The following COQ10A variants were observed in gnomAD, a reference collection of about 807,000 sequenced individuals.
COQ10A encodes the protein coenzyme Q-binding protein COQ10 homolog A, mitochondrial.
A neutral mutation model predicts 26.1 loss-of-function variants in COQ10A; 25 were observed. The ratio of observed to expected loss-of-function variants is 0.96; its 90% CI spans 0.70 to 1.34. The LOEUF is 1.34. Among genes scored for constraint, COQ10A ranks in the 40% most tolerant of loss-of-function variants. COQ10A has a pLI of 0.00. For synonymous variants in COQ10A, 132 were observed against 124.0 expected (o/e 1.06, Z -0.43); for missense variants, 312 against 335.4 (o/e 0.93, Z 0.54).
At chr12:56,269,740 G>T in intron 4 of COQ10A, 179 bp downstream of exon 4, 1 of 570,336 alleles carries the variant, frequency 1.8e-6, no homozygotes. Context: ...CGATTTTCCT[G>T]CCTCAGCCTC....
intron 1 of COQ10A, 145 bp from the exon 2 acceptor site, chr12:56,267,649 A>G: frequency 7.9e-7 from 1 of 1,272,328 alleles, no homozygotes; most frequent in South Asian, 1.2e-5. Flanking sequence ...CTGGCCAGAG[A>G]GAGCCTAGCG....
chr12:56,269,805 T>G, intron 4 of COQ10A: 1 of 526,340 alleles, frequency 1.9e-6, no homozygotes, highest in African/African-American at 1.9e-5. Flanking sequence ...TTTTTTATTT[T>G]TAGTAGAGAC....
chr12:56,269,337 A>G (rs1872439583), intron 3 of COQ10A, 86 bp downstream of exon 3: 2 of 1,488,526 alleles, frequency 1.3e-6, no homozygotes, highest in East Asian at 4.5e-5. Context: ...CCTTGTAAGT[A>G]CTTTATGTCC....
At chr12:56,268,062 C>A in intron 2 of COQ10A, 122 bp downstream of exon 2, 1 of 1,230,740 alleles carries the variant, frequency 8.1e-7, no homozygotes, top group Non-Finnish European at 1.1e-6. Flanking sequence ...CCCTCCCCAG[C>A]TACAATACTG....
At position 56,267,383 on chromosome 12, in the gene COQ10A, A is replaced by G. The variant is rs199940646; in HGVS notation, c.134+131A>G. On this transcript the variant is annotated intron_variant, in intron 1 of 4. Coordinates refer to ENST00000308197, the MANE Select transcript of COQ10A (RefSeq NM_144576.4). Reference sequence around the variant, plus strand: ...GCAATCATGCCCTGGGAGCTAACGTAGAGCTTTGGATAATGCTTTTGCAAG... The same window carrying G: ...GCAATCATGCCCTGGGAGCTAACGTGGAGCTTTGGATAATGCTTTTGCAAG... The G allele has an allele frequency of 4.9e-4, 798 of 1,613,872 alleles. 9 individuals are homozygous for G. The African/African-American group carries it at 9.5e-3, about 19-fold the overall frequency.
chr12:56,268,723 C>T (rs1872422028), intron 2 of COQ10A: 1 of 219,864 alleles, frequency 4.5e-6, no homozygotes, highest in Non-Finnish European at 9.1e-6. Context: ...AGGTAATTTA[C>T]CTAAGGCCAC....
In COQ10A at chr12:56,267,173, C is replaced by G; in HGVS notation, c.55C>G (p.Arg19Gly). 7 of 1,352,924 alleles carry G rather than the reference C, an allele frequency of 5.2e-6. No individual in the cohort carries two copies. Among genetic ancestry groups the G allele is most frequent in the Non-Finnish European group, 6.6e-6 (7 of 1,058,604 alleles). The allele number at this position is 1,352,924 out of a possible 1,614,324, so 83.8% of individuals were successfully genotyped here. Residue 19 changes from arginine to glycine, a missense_variant, in exon 1 of 5, where the codon CGC (arginine) becomes GGC (glycine). Coordinates refer to ENST00000308197, the MANE Select transcript of COQ10A (RefSeq NM_144576.4). ...AGCTGGGACGCGCGCGGCAGCCGAG[C>G]GCTGCTGCCGGCTCTCGCTCAGCCC... ...VPAGTRAAAE[R>G]CCRLSLSPGA...
intron 4 of COQ10A, 29 bp downstream of exon 4, chr12:56,269,590 C>T (rs752245425): frequency 3.5e-5 from 51 of 1,460,116 alleles, no homozygotes; most frequent in Middle Eastern, 1.7e-4. Flanking sequence ...TAGCAGAGGA[C>T]GAGGACTGGG....
intron 1 of COQ10A, 200 bp downstream of exon 1, chr12:56,267,452 C>G (rs1359556190): frequency 1.2e-6 from 2 of 1,613,904 alleles, no homozygotes; most frequent in East Asian, 4.5e-5. Context: ...CCAACCTCTT[C>G]TTGGCCCTCG....
chr12:56,267,175 C>A lies in COQ10A; in HGVS notation c.57C>A (p.Arg19=). ...VPAGTRAAAE[R]CCRLSLSPGA... ...CTGGGACGCGCGCGGCAGCCGAGCG[C>A]TGCTGCCGGCTCTCGCTCAGCCCGG... Residue 19 remains arginine, a synonymous_variant, in exon 1 of 5, where the codon CGC becomes CGA. Coordinates refer to ENST00000308197, the MANE Select transcript of COQ10A (RefSeq NM_144576.4). 2.2e-6 allele frequency: 3 copies of A among 1,364,676 alleles called. No homozygotes were observed. The highest frequency in any genetic ancestry group is 2.8e-6 in the Non-Finnish European group (3 of 1,064,776). The allele number at this position is 1,364,676 out of a possible 1,614,324, so 84.5% of individuals were successfully genotyped here.
intron 4 of COQ10A, chr12:56,269,815 C>T (rs1216463466): frequency 3.3e-5 from 17 of 517,766 alleles, no homozygotes; most frequent in Middle Eastern, 5.3e-4. Context: ...TTAGTAGAGA[C>T]GGGGTTTCAC....
intron 4 of COQ10A, 93 bp downstream of exon 4, chr12:56,269,654 G>A: frequency 1.1e-6 from 1 of 921,736 alleles, no homozygotes; most frequent in Non-Finnish European, 1.8e-6. Context: ...TTGAGATGGA[G>A]TCTTGCTCCG....
chr12:56,268,998 A>G (rs1414661235), intron 2 of COQ10A, 61 bp from the exon 3 acceptor site: 1 of 1,453,060 alleles, frequency 6.9e-7, no homozygotes, highest in Non-Finnish European at 9.6e-7. Context: ...TTAGGGGCCT[A>G]TAGCAAGGAG....
chr12:56,269,451 C>T lies in COQ10A; in HGVS notation c.475-9C>T, dbSNP rs1592402735. On this transcript the variant is annotated splice_polypyrimidine_tract_variant and intron_variant, in intron 3 of 4. Coordinates refer to ENST00000308197, the MANE Select transcript of COQ10A (RefSeq NM_144576.4). ...AATGTTATTTAACTACCTGATTACC[C>T]TATTCTAGGCTGTTTGTACTGATGG... 3 of 1,605,780 alleles carry T rather than the reference C, an allele frequency of 1.9e-6. No individual in the cohort carries two copies. In the African/African-American group the frequency reaches 4.0e-5, roughly 21 times the overall value.
intron 1 of COQ10A, chr12:56,267,454 T>G: frequency 6.2e-7 from 1 of 1,613,866 alleles, no homozygotes; most frequent in Non-Finnish European, 8.5e-7. Flanking sequence ...AACCTCTTCT[T>G]GGCCCTCGCG....
intron 2 of COQ10A, chr12:56,268,152 GA>G: frequency 1.6e-6 from 1 of 640,066 alleles, no homozygotes; most frequent in Non-Finnish European, 2.7e-6. Flanking sequence ...AGTGAAATGA[GA>G]CTAGGGTTGG....
Position 56,267,187 on chromosome 12 carries a change from C to A in COQ10A, c.69C>A (p.Leu23=). 7.3e-7 allele frequency: 1 copy of A among 1,375,410 alleles called. No homozygotes were observed. The highest frequency in any genetic ancestry group is 1.7e-5 in the South Asian group (1 of 59,518). 85.2% of individuals were successfully genotyped at this position (1,375,410 alleles called of 1,614,324 possible). The change falls in exon 1 of 5, where the codon CTC becomes CTA. Residue 23 remains leucine, a synonymous_variant. Transcript: ENST00000308197. ...TRAAAERCCR[L]SLSPGAQPAP... is the part of the protein sequence containing the mutation. ...CGGCAGCCGAGCGCTGCTGCCGGCT[C>A]TCGCTCAGCCCGGGCGCGCAACCGG...
At position 56,269,104 on chromosome 12, in the gene COQ10A, G is replaced by A. The variant is rs754045096; in HGVS notation, c.327G>A (p.Glu109=). The A allele has an allele frequency of 1.2e-6, 2 of 1,614,064 alleles. No homozygotes were observed. Among genetic ancestry groups the A allele is most frequent in the East Asian group, 2.2e-5 (1 of 44,878 alleles). Residue 109 remains glutamate, a synonymous_variant, in exon 3 of 5, where the codon GAG becomes GAA. Coordinates refer to ENST00000308197, the MANE Select transcript of COQ10A (RefSeq NM_144576.4). The part of the protein sequence containing the change: ...EMYEVVSNVQ[E]YREFVPWCKK... ...ATGAGGTGGTGTCCAACGTCCAGGAGTATCGTGAGTTTGTGCCCTGGTGTA... is the reference window on the plus strand; with the variant it reads ...ATGAGGTGGTGTCCAACGTCCAGGAATATCGTGAGTTTGTGCCCTGGTGTA...
At position 56,267,189 on chromosome 12, in the gene COQ10A, C is replaced by T. The variant is rs923823524; in HGVS notation, c.71C>T (p.Ser24Leu). Residue 24 changes from serine to leucine, a missense_variant, in exon 1 of 5, where the codon TCG (serine) becomes TTG (leucine). Coordinates refer to ENST00000308197, the MANE Select transcript of COQ10A (RefSeq NM_144576.4). Reference protein sequence around the residue: ...RAAAERCCRLSLSPGAQPAPP... With the variant: ...RAAAERCCRLLLSPGAQPAPP... ...GCAGCCGAGCGCTGCTGCCGGCTCT[C>T]GCTCAGCCCGGGCGCGCAACCGGCC... The T allele has an allele frequency of 4.3e-6, 6 of 1,383,934 alleles. No individual in the cohort carries two copies. Among genetic ancestry groups the T allele is most frequent in the African/African-American group, 1.5e-5 (1 of 66,042 alleles). The allele number at this position is 1,383,934 out of a possible 1,614,324, so 85.7% of individuals were successfully genotyped here. A position where few individuals can be genotyped will look rare whatever the true frequency, so the allele number is the denominator to read the frequency against.
Sources: allele counts gnomAD v4.1 joint callset, GRCh38; gene constraint gnomAD v4.1.1; transcripts MANE v1.5; gene names NCBI Gene and HGNC (gene_info 2026-07-23, HGNC 2026-07-21).